Variants in CMIP observed in about 807,000 individuals in gnomAD.
The protein encoded by CMIP is c-Maf inducing protein.
CMIP carries 13 observed loss-of-function variants against 97.3 expected under a neutral mutation model. That is an observed-to-expected ratio of 0.13 (90% CI 0.09 to 0.21). The LOEUF is 0.21. Among genes scored for constraint, CMIP ranks in the 10% least tolerant of loss-of-function variants. The pLI is 1.00. For missense variants in CMIP, 847 were observed against 1,024.9 expected (o/e 0.83, Z 2.37); for synonymous variants, 538 against 436.3 (o/e 1.23, Z -2.91).
intron 3 of CMIP, among the ~76,000 whole-genome samples, chr16:81,633,105 G>A (rs1168662071): frequency 6.6e-6 from 1 of 152,262 alleles, no homozygotes; most frequent in African/African-American, 2.4e-5. Context: ...GGGTGAACTT[G>A]TTTTTTGCCC....
chr16:81,623,762 G>C (rs1042766083), intron 3 of CMIP, among the ~76,000 whole-genome samples: 14 of 152,258 alleles, frequency 9.2e-5, no homozygotes, highest in African/African-American at 1.7e-4. Flanking sequence ...TCTGTGGGCA[G>C]ATTCCAGAAA....
chr16:81,696,196 G>C, intron 13 of CMIP: 1 of 326,322 alleles, frequency 3.1e-6, no homozygotes, highest in Non-Finnish European at 5.8e-6. Flanking sequence ...ATAGCAGAAG[G>C]AGAAAGGGGG....
chr16:81,617,959 C>T (rs1169788266), intron 2 of CMIP, among the ~76,000 whole-genome samples: 3 of 152,206 alleles, frequency 2.0e-5, no homozygotes, highest in African/African-American at 7.2e-5. Context: ...CCTCCTCCAC[C>T]TTCTTTTTGT....
chr16:81,481,371 G>C (rs75187514), intron 1 of CMIP, among the ~76,000 whole-genome samples: 9,610 of 152,306 alleles, frequency 0.063, 358 homozygotes, highest in South Asian at 0.11. Flanking sequence ...GTGTGTAACA[G>C]ATGAGGACAG....
chr16:81,555,280 T>A (rs1246807832), intron 1 of CMIP, among the ~76,000 whole-genome samples: 1 of 152,180 alleles, frequency 6.6e-6, no homozygotes, highest in Non-Finnish European at 1.5e-5. Flanking sequence ...TACCTCCAGT[T>A]GCTTTTCCCC....
chr16:81,571,115 A>C (rs900822728), intron 1 of CMIP, among the ~76,000 whole-genome samples: 1 of 152,222 alleles, frequency 6.6e-6, no homozygotes, highest in Non-Finnish European at 1.5e-5. Context: ...TGGGAACTCT[A>C]GGTACTAACT....
intron 20 of CMIP, among the ~76,000 whole-genome samples, chr16:81,708,632 A>AG (rs1373032943): frequency 6.6e-6 from 1 of 152,166 alleles, no homozygotes; most frequent in Non-Finnish European, 1.5e-5. Context: ...CCTTTGGAGG[A>AG]GGGGCCTCTG....
intron 1 of CMIP, among the ~76,000 whole-genome samples, chr16:81,500,260 T>TTCCTTCCGTCCG (rs1567546076): frequency 1.7e-4 from 23 of 138,904 alleles, no homozygotes; most frequent in African/African-American, 6.1e-4. Context: ...CCTTCCGTCC[T>TTCCTTCCGTCCG]TCCTTCCTTC....
intron 10 of CMIP, among the ~76,000 whole-genome samples, chr16:81,681,439 G>A (rs1197850455): frequency 6.6e-6 from 1 of 152,218 alleles, no homozygotes. Context: ...TGGACGGTTG[G>A]TCATCCTCTC....
chr16:81,526,753 C>T (rs373344888), intron 1 of CMIP, among the ~76,000 whole-genome samples: 8 of 152,192 alleles, frequency 5.3e-5, no homozygotes, highest in East Asian at 3.8e-4. Context: ...GAGGTGCCCC[C>T]GGGAGGGGTC....
intron 1 of CMIP, among the ~76,000 whole-genome samples, chr16:81,513,679 G>C (rs2089856189): frequency 6.6e-6 from 1 of 152,260 alleles, no homozygotes; most frequent in African/African-American, 2.4e-5. Flanking sequence ...GCAAGGGTCA[G>C]ATGGGTCAAT....
At chr16:81,543,307 A>G (rs1031945292) in intron 1 of CMIP, among the ~76,000 whole-genome samples, 17 of 152,210 alleles carry the variant, frequency 1.1e-4, no homozygotes, top group African/African-American at 4.1e-4. Flanking sequence ...AATCATGTCC[A>G]GTGCTACACG....
intron 14 of CMIP, among the ~76,000 whole-genome samples, chr16:81,698,406 C>A (rs117788455): frequency 6.6e-6 from 1 of 152,188 alleles, no homozygotes; most frequent in African/African-American, 2.4e-5. Context: ...ATTCCTGGGG[C>A]GCAGGCAGTC....
intron 1 of CMIP, among the ~76,000 whole-genome samples, chr16:81,449,381 T>C (rs1307204783): frequency 6.6e-6 from 1 of 152,252 alleles, no homozygotes; most frequent in African/African-American, 2.4e-5. Flanking sequence ...TTGGTTTCTT[T>C]AGTCTGGTGT....
intron 1 of CMIP, among the ~76,000 whole-genome samples, chr16:81,446,633 G>T (rs1192869924): frequency 6.6e-6 from 1 of 152,110 alleles, no homozygotes; most frequent in Non-Finnish European, 1.5e-5. Context: ...CAGTGGGAGG[G>T]GGCCGAATCC....
intron 1 of CMIP, among the ~76,000 whole-genome samples, chr16:81,585,214 C>T (rs1309448572): frequency 3.3e-5 from 5 of 152,144 alleles, no homozygotes; most frequent in African/African-American, 1.2e-4. Flanking sequence ...TGGTGGTGGG[C>T]ACCTGTAATC....
intron 1 of CMIP, among the ~76,000 whole-genome samples, chr16:81,449,237 A>T (rs1181842586): frequency 6.6e-6 from 1 of 152,190 alleles, no homozygotes; most frequent in African/African-American, 2.4e-5. Flanking sequence ...GGCACAGGTG[A>T]CAGTAGTGTT....
intron 1 of CMIP, among the ~76,000 whole-genome samples, chr16:81,540,643 AGTGTGTGTGTGTGT>A (rs67286788): frequency 3.1e-4 from 44 of 141,986 alleles, no homozygotes; most frequent in Middle Eastern, 3.8e-3. Context: ...TCTTGTTTTG[AGTGTGTGTGTGTGT>A]GTGTGTGTGT....
At chr16:81,596,637 A>G (rs1262691064) in intron 1 of CMIP, among the ~76,000 whole-genome samples, 1 of 152,186 alleles carries the variant, frequency 6.6e-6, no homozygotes, top group Non-Finnish European at 1.5e-5. Context: ...ATCCAGACCT[A>G]GAATGCTGCC....
Sources: allele counts gnomAD v4.1 joint callset (sites outside exome capture counted in the v4.1 genomes callset), GRCh38; gene constraint gnomAD v4.1.1; transcripts MANE v1.5; gene names NCBI Gene and HGNC (gene_info 2026-07-23, HGNC 2026-07-21).